Variants in CDH13 observed in about 807,000 individuals in gnomAD.
CDH13 encodes cadherin-13.
Under a neutral mutation model 63.8 loss-of-function variants are expected in CDH13, and 24 were observed. The observed-to-expected ratio is 0.38, with a 90% CI of 0.27 to 0.53. CDH13 has a LOEUF of 0.53. Ranked by LOEUF, CDH13 falls within the 20% of genes least tolerant of loss-of-function variation. The probability of loss-of-function intolerance (pLI) is 0.85; values close to 1 mark genes in which losing one functional copy is unlikely to be tolerated. For synonymous variants in CDH13, 503 were observed against 355.3 expected, an observed-to-expected ratio of 1.42 and a Z score of -4.67; for missense variants, 1,049 against 903.1, an observed-to-expected ratio of 1.16 and a Z score of -2.07.
At chr16:83,768,297 T>C (rs1246668921) in intron 11 of CDH13, among the ~76,000 whole-genome samples, 1 of 152,126 alleles carries the variant, frequency 6.6e-6, no homozygotes, top group Non-Finnish European at 1.5e-5. Flanking sequence ...GTTTTTTAGC[T>C]AAGTGGAAAT....
intron 2 of CDH13, among the ~76,000 whole-genome samples, chr16:82,911,286 T>C (rs74030002): frequency 6.6e-6 from 1 of 152,182 alleles, no homozygotes; most frequent in Non-Finnish European, 1.5e-5. Context: ...ATTCAGAGTT[T>C]ATGGCAACAT....
chr16:83,578,513 G>T (rs1740719221), intron 7 of CDH13, among the ~76,000 whole-genome samples: 1 of 152,220 alleles, frequency 6.6e-6, no homozygotes, highest in Non-Finnish European at 1.5e-5. Context: ...ACATTCCACA[G>T]GAAGCAAAAG....
chr16:82,673,425 G>C (rs984715188), intron 1 of CDH13, among the ~76,000 whole-genome samples: 3 of 152,112 alleles, frequency 2.0e-5, no homozygotes, highest in African/African-American at 7.2e-5. Flanking sequence ...AGAAAGCCTT[G>C]GGAATTAAAA....
chr16:82,696,976 G>T (rs1231115070), intron 1 of CDH13, among the ~76,000 whole-genome samples: 1 of 152,116 alleles, frequency 6.6e-6, no homozygotes, highest in African/African-American at 2.4e-5. Flanking sequence ...GACTCTTAAG[G>T]TATTTACACA....
chr16:82,794,542 G>C (rs1243547675), intron 1 of CDH13, among the ~76,000 whole-genome samples: 1 of 151,712 alleles, frequency 6.6e-6, no homozygotes, highest in Non-Finnish European at 1.5e-5. Flanking sequence ...CGGTTTAATA[G>C]TTTCATGTTT....
chr16:82,690,561 G>A (rs1018088724), intron 1 of CDH13, among the ~76,000 whole-genome samples: 4 of 151,990 alleles, frequency 2.6e-5, no homozygotes, highest in Admixed American at 6.5e-5. Flanking sequence ...ACAGCCTCGT[G>A]GGCAGAAGAG....
At chr16:83,577,383 C>T (rs904707435) in intron 7 of CDH13, among the ~76,000 whole-genome samples, 1 of 152,238 alleles carries the variant, frequency 6.6e-6, no homozygotes, top group Non-Finnish European at 1.5e-5. Flanking sequence ...TTAACATTTA[C>T]TTGAATTCTT....
chr16:83,432,295 AG>A (rs984641802), intron 6 of CDH13, among the ~76,000 whole-genome samples: 3 of 152,218 alleles, frequency 2.0e-5, no homozygotes, highest in Non-Finnish European at 4.4e-5. Flanking sequence ...CAGTAGCTGC[AG>A]TAGCTCCTTC....
At chr16:82,651,699 T>A (rs922399950) in intron 1 of CDH13, among the ~76,000 whole-genome samples, 6 of 152,214 alleles carry the variant, frequency 3.9e-5, no homozygotes, top group African/African-American at 1.4e-4. Flanking sequence ...CAGGCAGTTG[T>A]AGGAAGTACA....
At chr16:83,392,111 A>G (rs988485724) in intron 6 of CDH13, among the ~76,000 whole-genome samples, 2 of 152,074 alleles carry the variant, frequency 1.3e-5, no homozygotes, top group African/African-American at 4.8e-5. Context: ...TCGAAAGCAC[A>G]CCCCTATACA....
intron 3 of CDH13, among the ~76,000 whole-genome samples, chr16:83,070,007 C>A (rs191812834): frequency 2.6e-5 from 4 of 151,548 alleles, no homozygotes; most frequent in Admixed American, 2.0e-4. Flanking sequence ...TAAAAATTTC[C>A]CAAAATTTTG....
rs565935243 is a variant in CDH13, at chr16:82,927,760, C to T, written c.157+69287C>T. On this transcript the variant is annotated intron_variant, in intron 2 of 13. Transcript: ENST00000567109. ...AAGGAACCATGCCTGTGTTACTCAC[C>T]GCTCAGTCCTCAGCCCAGGCACCCT... 6.6e-5 allele frequency among the ~76,000 whole-genome samples: 10 copies of T among 152,256 alleles called. No individual in the cohort carries two copies. In the East Asian group the frequency reaches 9.7e-4, roughly 15 times the overall value.
intron 4 of CDH13, among the ~76,000 whole-genome samples, chr16:83,129,484 G>A (rs950007815): frequency 6.6e-6 from 1 of 152,176 alleles, no homozygotes; most frequent in Non-Finnish European, 1.5e-5. Flanking sequence ...AGAGAAGCTT[G>A]TTTATGAAGC....
At position 83,486,675 on chromosome 16, in the gene CDH13, C is replaced by T. The variant is rs1567705795; in HGVS notation, c.960+20C>T. The T allele has an allele frequency of 5.0e-6, 8 of 1,606,468 alleles. No homozygotes were observed. The highest frequency in any genetic ancestry group is 2.2e-5 in the East Asian group (1 of 44,778). ...CGAGAGGTGAGCTGAAAAGAATACA[C>T]TTTCTTTTTCACGAGAATAGAATGT... On this transcript the variant is annotated intron_variant, in intron 7 of 13. Coordinates refer to ENST00000567109, the MANE Select transcript of CDH13 (RefSeq NM_001257.5).
At chr16:82,765,825 C>A (rs544094727) in intron 1 of CDH13, among the ~76,000 whole-genome samples, 1 of 152,270 alleles carries the variant, frequency 6.6e-6, no homozygotes, top group Non-Finnish European at 1.5e-5. Context: ...GGACCAGGCC[C>A]TGTAAGTTCT....
At chr16:82,657,186 G>T (rs748004711) in intron 1 of CDH13, among the ~76,000 whole-genome samples, 5 of 151,876 alleles carry the variant, frequency 3.3e-5, no homozygotes, top group Non-Finnish European at 4.4e-5. Context: ...TTTTTTTCCT[G>T]TACATACCTG....
chr16:83,770,939 T>C lies in CDH13; in HGVS notation c.1682-9029T>C, dbSNP rs557367945. On this transcript the variant is annotated intron_variant, in intron 11 of 13. Coordinates refer to ENST00000567109, the MANE Select transcript of CDH13 (RefSeq NM_001257.5). ...AGCCCAGTAGATCTCTGCCTCATTT[T>C]ACCCAGCACCTATTCAAGATGGAGT... 1.8e-4 allele frequency among the ~76,000 whole-genome samples: 27 copies of C among 152,346 alleles called. 1 individual carries two copies. Among genetic ancestry groups the C allele is most frequent in the African/African-American group, 6.5e-4 (27 of 41,582 alleles).
intron 6 of CDH13, among the ~76,000 whole-genome samples, chr16:83,480,119 G>T (rs2073723476): frequency 6.6e-6 from 1 of 152,078 alleles, no homozygotes; most frequent in Non-Finnish European, 1.5e-5. Context: ...GACTCCAGGG[G>T]TTCAAGACCA....
At chr16:83,349,942 C>T (rs954954862) in intron 6 of CDH13, among the ~76,000 whole-genome samples, 21 of 152,118 alleles carry the variant, frequency 1.4e-4, no homozygotes, top group African/African-American at 5.1e-4. Context: ...TGGGTAACTG[C>T]AGCTTTATCC....
Sources: gnomAD v4.1 joint callset for allele counts (sites outside exome capture counted in the v4.1 genomes callset) on GRCh38, gnomAD v4.1.1 for gene constraint, MANE v1.5 for transcripts, NCBI Gene and HGNC (gene_info 2026-07-23, HGNC 2026-07-21) for gene names.